Variants in SLC5A12 observed in about 807,000 individuals in gnomAD.
SLC5A12 encodes solute carrier family 5 member 12.
Under a neutral mutation model 72.7 loss-of-function variants are expected in SLC5A12, and 46 were observed. That is an observed-to-expected ratio of 0.63 (90% CI 0.50 to 0.81). The LOEUF is 0.81. SLC5A12 is among the 30% of genes least tolerant of loss of function. The probability of loss-of-function intolerance (pLI) is 0.00; values close to 1 mark genes in which losing one functional copy is unlikely to be tolerated. For synonymous variants in SLC5A12, 275 were observed against 264.4 expected, an observed-to-expected ratio of 1.04 and a Z score of -0.39; for missense variants, 683 against 740.7, an observed-to-expected ratio of 0.92 and a Z score of 0.90.
At chr11:26,715,089 C>A (rs557832348) in intron 1 of SLC5A12, among the ~76,000 whole-genome samples, 17 of 152,134 alleles carry the variant, frequency 1.1e-4, no homozygotes, top group Admixed American at 3.9e-4. Flanking sequence ...AGACTATTTT[C>A]TGCCACTAAG....
chr11:26,708,350 T>G (rs186798600), intron 4 of SLC5A12, among the ~76,000 whole-genome samples: 387 of 151,998 alleles, frequency 2.5e-3, no homozygotes, highest in Admixed American at 4.1e-3. Flanking sequence ...AAGAGTTGAG[T>G]GTCTGGAATA....
At position 26,671,167 on chromosome 11, in the gene SLC5A12, C is replaced by T. The variant is rs1854132354; in HGVS notation, c.1792G>A (p.Val598Ile). 6.2e-7 allele frequency: 1 copy of T among 1,612,608 alleles called. No homozygotes were observed. The highest frequency in any genetic ancestry group is 1.3e-5 in the African/African-American group (1 of 74,794). Reference protein sequence around the residue: ...NGLRRESLVHVPGYDPKDKSY... With the variant: ...NGLRRESLVHIPGYDPKDKSY... The stretch of plus-strand genomic sequence containing the variant: ...TTGTCCTTAGGATCATAGCCTGGAA[C>T]ATGTACCAGGCTTTCTCTTCTGAGT... Residue 598 changes from valine (V) to isoleucine (I), a missense_variant, in exon 15 of 15, where the codon GTT (valine) becomes ATT (isoleucine). Physicochemically the swap from Val to Ile is conservative, Grantham distance 29. Coordinates refer to ENST00000396005, the MANE Select transcript of SLC5A12 (RefSeq NM_178498.4).
intron 3 of SLC5A12, among the ~76,000 whole-genome samples, chr11:26,710,018 C>G (rs1034326092): frequency 6.6e-6 from 1 of 152,066 alleles, no homozygotes; most frequent in African/African-American, 2.4e-5. Context: ...CCTCCCCTAG[C>G]CCCCTACCCA....
chr11:26,700,976 G>A (rs4477399), intron 6 of SLC5A12, among the ~76,000 whole-genome samples: 41,750 of 151,996 alleles, frequency 0.27, 6,280 homozygotes, highest in East Asian at 0.43. Flanking sequence ...TTTCTAAGCC[G>A]CATGGAATGT....
chr11:26,718,048 G>A (rs1855392245), intron 1 of SLC5A12, among the ~76,000 whole-genome samples: 1 of 152,076 alleles, frequency 6.6e-6, no homozygotes, highest in African/African-American at 2.4e-5. Context: ...AAGTTCACAG[G>A]GTGGATAAAG....
chr11:26,691,728 G>C (rs560534299), intron 9 of SLC5A12: 1 of 152,120 alleles, frequency 6.6e-6, no homozygotes, highest in Non-Finnish European at 1.5e-5. Flanking sequence ...CTATTAGTAA[G>C]TAAATACATA....
chr11:26,686,793 A>T (rs1242037494), intron 9 of SLC5A12, among the ~76,000 whole-genome samples: 1 of 152,192 alleles, frequency 6.6e-6, no homozygotes, highest in African/African-American at 2.4e-5. Context: ...CTCAAGGGTT[A>T]TCCTTCTAAG....
intron 8 of SLC5A12, among the ~76,000 whole-genome samples, chr11:26,696,723 T>G (rs894792477): frequency 6.6e-6 from 1 of 152,208 alleles, no homozygotes; most frequent in African/African-American, 2.4e-5. Flanking sequence ...TCATCATATA[T>G]GCAGTCCATC....
At chr11:26,718,926 A>G (rs1303530282) in intron 1 of SLC5A12, among the ~76,000 whole-genome samples, 2 of 152,228 alleles carry the variant, frequency 1.3e-5, no homozygotes, top group Admixed American at 1.3e-4. Flanking sequence ...AAATATGTAG[A>G]GGCAAAAATA....
intron 11 of SLC5A12, among the ~76,000 whole-genome samples, chr11:26,681,600 C>A (rs1407147930): frequency 6.6e-6 from 1 of 152,126 alleles, no homozygotes. Context: ...TAGTTATTGA[C>A]AGCTTTTATA....
At chr11:26,681,570 T>G (rs1210542485) in intron 11 of SLC5A12, among the ~76,000 whole-genome samples, 1 of 152,168 alleles carries the variant, frequency 6.6e-6, no homozygotes, top group Non-Finnish European at 1.5e-5. Flanking sequence ...TAAGGAAAAC[T>G]TCAAATACTA....
chr11:26,691,697 T>A (rs889437949), intron 9 of SLC5A12: 3 of 152,152 alleles, frequency 2.0e-5, no homozygotes, highest in African/African-American at 7.2e-5. Flanking sequence ...TACATAAATT[T>A]CCCCAAATTA....
Position 26,716,668 on chromosome 11 carries a change from T to C in SLC5A12, c.340-3962A>G, listed in dbSNP as rs1855357094. Among the ~76,000 whole-genome samples the C allele has an allele frequency of 5.3e-5, 8 of 152,088 alleles. No homozygotes were observed. In the South Asian group the frequency reaches 1.7e-3, roughly 32 times the overall value. On this transcript the variant is annotated intron_variant, in intron 1 of 14. Coordinates refer to ENST00000396005, the MANE Select transcript of SLC5A12 (RefSeq NM_178498.4). Reference sequence around the variant, plus strand: ...CAGGTTGGTTCGAGCCCAAATAACATAGAGCCAGCCTTTACTCCTCTCTCT... The same window carrying C: ...CAGGTTGGTTCGAGCCCAAATAACACAGAGCCAGCCTTTACTCCTCTCTCT...
intron 4 of SLC5A12, among the ~76,000 whole-genome samples, chr11:26,704,704 G>T (rs1855043958): frequency 6.6e-6 from 1 of 152,060 alleles, no homozygotes; most frequent in Non-Finnish European, 1.5e-5. Flanking sequence ...GAAAAGAAGT[G>T]GATGGACTGT....
At chr11:26,693,014 A>AT (rs1854720682) in intron 8 of SLC5A12, among the ~76,000 whole-genome samples, 1 of 152,192 alleles carries the variant, frequency 6.6e-6, no homozygotes, top group South Asian at 2.1e-4. Context: ...TTATTCATTC[A>AT]TTTATTTCTA....
chr11:26,723,114 T>A (rs1042764802), upstream of SLC5A12, among the ~76,000 whole-genome samples: 1 of 151,864 alleles, frequency 6.6e-6, no homozygotes, highest in Admixed American at 6.6e-5. Flanking sequence ...ATAAAAAAAA[T>A]AATTTTTAGA....
At position 26,703,918 on chromosome 11, in the gene SLC5A12, A is replaced by G. The variant is rs754284574; in HGVS notation, c.555T>C (p.Asp185=). The G allele has an allele frequency of 1.9e-6, 3 of 1,613,794 alleles. No individual in the cohort carries two copies. Among genetic ancestry groups the G allele is most frequent in the Non-Finnish European group, 2.5e-6 (3 of 1,179,846 alleles). The change falls in exon 5 of 15, where the codon GAT becomes GAC. Residue 185 remains aspartate, a synonymous_variant. Transcript: ENST00000396005. ...CAATCATGACAACCATCTGAAATGC[A>G]TCTGTCCACACCACTGCTTTTAATC... ...LGGLKAVVWT[D]AFQMVVMIVG... is the part of the protein sequence containing the mutation.
At chr11:26,703,754 A>G (rs1487519478) in intron 5 of SLC5A12, 39 bp downstream of exon 5, 1 of 1,612,800 alleles carries the variant, frequency 6.2e-7, no homozygotes, top group Admixed American at 1.7e-5. Flanking sequence ...TCATGTAGCT[A>G]AGTCTTTGTA....
At chr11:26,683,266 C>T (rs937867785) in intron 11 of SLC5A12, among the ~76,000 whole-genome samples, 3 of 152,130 alleles carry the variant, frequency 2.0e-5, no homozygotes, top group African/African-American at 7.2e-5. Context: ...ATTAGCTTGT[C>T]AGAGCAGCAA....
Sources: gnomAD v4.1 joint callset for allele counts (sites outside exome capture counted in the v4.1 genomes callset) on GRCh38, gnomAD v4.1.1 for gene constraint, MANE v1.5 for transcripts, NCBI Gene and HGNC (gene_info 2026-07-23, HGNC 2026-07-21) for gene names.